The following EPS15 variants were observed in gnomAD, a reference collection of about 807,000 sequenced individuals.
EPS15 encodes the protein epidermal growth factor receptor pathway substrate 15, also known as epidermal growth factor receptor substrate 15.
In EPS15, 72 loss-of-function variants were observed where a neutral mutation model predicts 113.8. The observed-to-expected ratio is 0.63, with a 90% CI of 0.52 to 0.77. The LOEUF is 0.77. Among genes scored for constraint, EPS15 ranks in the 30% least tolerant of loss-of-function variants. The probability of loss-of-function intolerance (pLI) is 0.00; values close to 1 mark genes in which losing one functional copy is unlikely to be tolerated. For synonymous variants in EPS15, 344 were observed against 363.4 expected, an observed-to-expected ratio of 0.95 and a Z score of 0.61; for missense variants, 1,048 against 1,045.8, an observed-to-expected ratio of 1.00 and a Z score of -0.03.
In EPS15 at chr1:51,413,018, C is replaced by T. The variant is rs1351121137; in HGVS notation, c.1114-3322G>A. Among the ~76,000 whole-genome samples the T allele has an allele frequency of 2.6e-5, 4 of 152,188 alleles. No homozygotes were observed. In the South Asian group the frequency reaches 8.3e-4, roughly 32 times the overall value. On this transcript the variant is annotated intron_variant, in intron 13 of 24. Coordinates refer to ENST00000371733, the MANE Select transcript of EPS15 (RefSeq NM_001981.3). ...CTAGAGGATTAAGTAAAACTTGCTG[C>T]AAGACACATTAAAACCTTCAGTTCT...
At chr1:51,445,272 G>C (rs1417224258) in intron 10 of EPS15, among the ~76,000 whole-genome samples, 1 of 152,004 alleles carries the variant, frequency 6.6e-6, no homozygotes. Context: ...CTCTAATCTG[G>C]GTTTACACTT....
At chr1:51,463,467 C>T in intron 7 of EPS15, 2 of 414,016 alleles carry the variant, frequency 4.8e-6, no homozygotes, top group Non-Finnish European at 8.6e-6. Flanking sequence ...TTCATTTCAA[C>T]CACTCATTTT....
In EPS15 at chr1:51,401,920, C is replaced by A. The variant is rs189584385; in HGVS notation, c.1882+515G>T. 1.1e-4 allele frequency among the ~76,000 whole-genome samples: 17 copies of A among 152,268 alleles called. No homozygotes were observed. The East Asian group carries it at 2.7e-3, about 24-fold the overall frequency. On this transcript the variant is annotated intron_variant, in intron 18 of 24. Transcript: ENST00000371733. ...TTGGGAGGCCAACGTGGGCGGATCACGAGGTCAAGAGATGGAGACCATCCT... is the reference window on the plus strand; with the variant it reads ...TTGGGAGGCCAACGTGGGCGGATCAAGAGGTCAAGAGATGGAGACCATCCT...
intron 1 of EPS15, among the ~76,000 whole-genome samples, chr1:51,513,124 C>A (rs1644655636): frequency 6.6e-6 from 1 of 152,134 alleles, no homozygotes; most frequent in South Asian, 2.1e-4. Context: ...AGCCACTATG[C>A]CTACCCCAAA....
In EPS15 at chr1:51,463,742, T is replaced by C. The variant is rs561961386; in HGVS notation, c.432A>G (p.Gly144=). 1.2e-6 allele frequency: 2 copies of C among 1,603,302 alleles called. No homozygotes were observed. The highest frequency in any genetic ancestry group is 2.2e-5 in the South Asian group (2 of 90,672). ...AIFDSLSPVN[G]FLSGDKVKPV... Reference sequence around the variant, plus strand: ...GTTTCACTTTATCACCAGACAGAAATCCATTCACTGGGCTTAAACTATCAA... The same window carrying C: ...GTTTCACTTTATCACCAGACAGAAACCCATTCACTGGGCTTAAACTATCAA... Residue 144 remains glycine, a synonymous_variant, in exon 7 of 25, where the codon GGA becomes GGG. Coordinates refer to ENST00000371733, the MANE Select transcript of EPS15 (RefSeq NM_001981.3).
intron 8 of EPS15, among the ~76,000 whole-genome samples, chr1:51,452,233 T>C (rs1653636090): frequency 6.6e-6 from 1 of 151,990 alleles, no homozygotes; most frequent in Non-Finnish European, 1.5e-5. Context: ...AATCATATAT[T>C]AAGTTTTGTG....
At chr1:51,361,041 G>T (rs1646373170) in intron 24 of EPS15, 130 bp downstream of exon 24, 3 of 696,932 alleles carry the variant, frequency 4.3e-6, no homozygotes, top group Non-Finnish European at 7.2e-6. Flanking sequence ...TTGCTTGGGG[G>T]AAGAATGAAA....
At position 51,468,551 on chromosome 1, in the gene EPS15, C is replaced by A; in HGVS notation, c.231G>T (p.Leu77Phe). Reference sequence around the variant, plus strand: ...CATTCTGGGCACATGCCACAAGACGCAAAGCAACAAAGAATTCCTAAGAAA... The same window carrying A: ...CATTCTGGGCACATGCCACAAGACGAAAAGCAACAAAGAATTCCTAAGAAA... ...ILNKQEFFVA[L>F]RLVACAQNGL... Residue 77 changes from leucine (L) to phenylalanine (F), a missense_variant, in exon 5 of 25, where the codon TTG becomes TTT. Leu to Phe is a conservative substitution (Grantham distance 22). Transcript: ENST00000371733. The A allele has an allele frequency of 6.2e-7, 1 of 1,612,286 alleles. No homozygotes were observed. Among genetic ancestry groups the A allele is most frequent in the East Asian group, 2.2e-5 (1 of 44,816 alleles).
At chr1:51,485,208 T>C (rs1271410582) in intron 1 of EPS15, among the ~76,000 whole-genome samples, 2 of 152,208 alleles carry the variant, frequency 1.3e-5, no homozygotes, top group East Asian at 3.8e-4. Flanking sequence ...ATATTCCCAC[T>C]GTTAAATTTT....
At chr1:51,448,598 CTG>C (rs1653269725) in intron 8 of EPS15, among the ~76,000 whole-genome samples, 3 of 152,192 alleles carry the variant, frequency 2.0e-5, no homozygotes, top group African/African-American at 7.2e-5. Context: ...CAGATGAAAA[CTG>C]TAAGTTAAAA....
At chr1:51,470,787 T>G (rs1417179882) in intron 4 of EPS15, among the ~76,000 whole-genome samples, 2 of 152,042 alleles carry the variant, frequency 1.3e-5, no homozygotes, top group Admixed American at 6.6e-5. Context: ...AGTAAAAAAT[T>G]TATTATACTG....
chr1:51,497,660 G>A (rs751589477), intron 1 of EPS15, among the ~76,000 whole-genome samples: 5 of 152,242 alleles, frequency 3.3e-5, no homozygotes, highest in East Asian at 1.9e-4. Flanking sequence ...TGGCAGCAGC[G>A]AAAAATATCA....
chr1:51,514,091 C>G (rs1440898799), intron 1 of EPS15, among the ~76,000 whole-genome samples: 1 of 152,038 alleles, frequency 6.6e-6, no homozygotes, highest in South Asian at 2.1e-4. Flanking sequence ...GCATGCTTAA[C>G]TGGGTTAGAT....
At chr1:51,391,551 C>T (rs1647366226) in intron 21 of EPS15, among the ~76,000 whole-genome samples, 1 of 151,672 alleles carries the variant, frequency 6.6e-6, no homozygotes, top group Non-Finnish European at 1.5e-5. Context: ...AAGGATCATC[C>T]CAGGAAGAGG....
At chr1:51,446,561 C>G (rs1039884927) in intron 10 of EPS15, among the ~76,000 whole-genome samples, 2 of 151,022 alleles carry the variant, frequency 1.3e-5, no homozygotes, top group Non-Finnish European at 2.9e-5. Context: ...TCAAGCAATT[C>G]TCCTGCCTCA....
intron 4 of EPS15, among the ~76,000 whole-genome samples, chr1:51,468,899 G>T (rs1351967968): frequency 6.6e-6 from 1 of 152,076 alleles, no homozygotes; most frequent in African/African-American, 2.4e-5. Context: ...AGGCCGAGAC[G>T]GGCAGATCAC....
intron 1 of EPS15, among the ~76,000 whole-genome samples, chr1:51,482,864 C>A (rs899873682): frequency 1.3e-5 from 2 of 151,194 alleles, no homozygotes; most frequent in African/African-American, 4.8e-5. Flanking sequence ...ATAGATTTGA[C>A]AGGACTTATT....
intron 21 of EPS15, among the ~76,000 whole-genome samples, chr1:51,378,971 T>C (rs1219783587): frequency 1.3e-5 from 2 of 152,144 alleles, no homozygotes; most frequent in African/African-American, 2.4e-5. Context: ...CATGGATATA[T>C]AAAAAGGTCA....
At chr1:51,363,261 G>A (rs1266449731) in intron 23 of EPS15, among the ~76,000 whole-genome samples, 1 of 142,386 alleles carries the variant, frequency 7.0e-6, no homozygotes, top group African/African-American at 2.6e-5. Context: ...TCATGCCACT[G>A]TACTCCAGCC....
Sources: allele counts gnomAD v4.1 joint callset (sites outside exome capture counted in the v4.1 genomes callset), GRCh38; gene constraint gnomAD v4.1.1; transcripts MANE v1.5; gene names NCBI Gene and HGNC (gene_info 2026-07-23, HGNC 2026-07-21).